The following XPO7 variants were observed in gnomAD, a reference collection of about 807,000 sequenced individuals.
XPO7 encodes the protein exportin-7.
A neutral mutation model predicts 144.3 loss-of-function variants in XPO7; 21 were observed. The observed-to-expected ratio is 0.15, with a 90% CI of 0.10 to 0.21. The LOEUF (loss-of-function observed/expected upper bound fraction) is 0.21, where lower values mean the gene tolerates loss of function less well. Ranked by LOEUF, XPO7 falls within the 10% of genes least tolerant of loss-of-function variation. The pLI, the probability that XPO7 is intolerant of heterozygous loss-of-function variation, is 1.00. For missense variants in XPO7, 808 were observed against 1,325.8 expected, an observed-to-expected ratio of 0.61 and a Z score of 6.06; for synonymous variants, 580 against 499.6, an observed-to-expected ratio of 1.16 and a Z score of -2.15.
intron 1 of XPO7, among the ~76,000 whole-genome samples, chr8:21,947,351 C>T (rs1189825793): frequency 1.3e-5 from 2 of 151,902 alleles, no homozygotes; most frequent in Non-Finnish European, 2.9e-5. Flanking sequence ...AATTCAAAAA[C>T]AAGCAAAAAC....
intron 12 of XPO7, 146 bp downstream of exon 12, chr8:21,984,985 T>G: frequency 1.2e-6 from 1 of 865,950 alleles, no homozygotes; most frequent in Non-Finnish European, 1.7e-6. Flanking sequence ...TCTTTATGAA[T>G]GAATAAATCC....
intron 20 of XPO7, 86 bp from the exon 21 acceptor site, chr8:21,995,406 G>A (rs973296394): frequency 5.1e-6 from 6 of 1,167,992 alleles, no homozygotes; most frequent in East Asian, 2.6e-5. Flanking sequence ...AGTTTGACAA[G>A]TTTTTGCTTG....
At chr8:21,976,133 C>A (rs1358999524) in intron 6 of XPO7, among the ~76,000 whole-genome samples, 2 of 152,134 alleles carry the variant, frequency 1.3e-5, no homozygotes, top group African/African-American at 4.8e-5. Context: ...TCTTTAAATA[C>A]CAACTTCATG....
At chr8:21,949,208 T>G (rs1415585162) in intron 1 of XPO7, among the ~76,000 whole-genome samples, 2 of 152,250 alleles carry the variant, frequency 1.3e-5, no homozygotes, top group Admixed American at 6.5e-5. Context: ...ATAAAATTGT[T>G]TATTCTCACC....
chr8:21,921,247 C>A (rs1049713777), intron 1 of XPO7, among the ~76,000 whole-genome samples: 7 of 152,132 alleles, frequency 4.6e-5, no homozygotes, highest in African/African-American at 1.7e-4. Flanking sequence ...TTGGATCTTA[C>A]AAGACTCAGG....
At position 21,989,183 on chromosome 8, in the gene XPO7, T is replaced by C. The variant is rs972941290; in HGVS notation, c.1868+100T>C. 3 of 1,102,068 alleles carry C rather than the reference T, an allele frequency of 2.7e-6. No homozygotes were observed. In the East Asian group the frequency reaches 7.7e-5, roughly 28 times the overall value. 68.3% of individuals were successfully genotyped at this position (1,102,068 alleles called of 1,614,324 possible). On this transcript the variant is annotated intron_variant, in intron 16 of 27. Coordinates refer to ENST00000252512, the MANE Select transcript of XPO7 (RefSeq NM_015024.5). The stretch of plus-strand genomic sequence containing the variant: ...TCTTTCCACTTCAGTTTAGCTGTAG[T>C]GTGTACTCACATATCTTCCATTTTC...
chr8:22,000,838 C>T (rs1254172925), intron 24 of XPO7, among the ~76,000 whole-genome samples: 1 of 152,114 alleles, frequency 6.6e-6, no homozygotes, highest in Non-Finnish European at 1.5e-5. Context: ...AGGATTAAGT[C>T]AACTGCCAAA....
At chr8:21,974,982 T>G (rs1369320346) in intron 6 of XPO7, among the ~76,000 whole-genome samples, 1 of 152,230 alleles carries the variant, frequency 6.6e-6, no homozygotes, top group Non-Finnish European at 1.5e-5. Context: ...CTTCCCTGTT[T>G]AAGCTCAATT....
chr8:21,927,558 T>TA, intron 1 of XPO7, among the ~76,000 whole-genome samples: 1 of 139,094 alleles, frequency 7.2e-6, no homozygotes, highest in Admixed American at 7.0e-5. Context: ...TTTTTTTTTT[T>TA]TCTTAAGATG....
intron 1 of XPO7, among the ~76,000 whole-genome samples, chr8:21,921,847 A>G (rs951000606): frequency 1.3e-5 from 2 of 152,158 alleles, no homozygotes; most frequent in African/African-American, 4.8e-5. Flanking sequence ...TTTTCCCTTT[A>G]GAGAGAATGG....
At chr8:21,966,147 GAA>G (rs1256365818) in intron 1 of XPO7, 6 of 643,436 alleles carry the variant, frequency 9.3e-6, no homozygotes, top group Admixed American at 5.1e-5. Flanking sequence ...GATTTGGAGA[GAA>G]GAGTTTGCTT....
intron 1 of XPO7, among the ~76,000 whole-genome samples, chr8:21,954,883 T>G (rs1300985452): frequency 1.3e-5 from 2 of 152,180 alleles, no homozygotes; most frequent in Non-Finnish European, 2.9e-5. Flanking sequence ...ACATCACTAT[T>G]TGTAAGGAAA....
At chr8:21,961,761 C>G (rs974553886) in intron 1 of XPO7, among the ~76,000 whole-genome samples, 2 of 152,170 alleles carry the variant, frequency 1.3e-5, no homozygotes, top group African/African-American at 4.8e-5. Context: ...CTCCTGGGTT[C>G]AAGAGATTCT....
chr8:22,000,155 T>A (rs1359642411), intron 24 of XPO7, among the ~76,000 whole-genome samples: 3 of 151,450 alleles, frequency 2.0e-5, no homozygotes, highest in Non-Finnish European at 4.4e-5. Flanking sequence ...CCAGGGAGGG[T>A]TCCTAGCAGC....
intron 1 of XPO7, among the ~76,000 whole-genome samples, chr8:21,923,659 T>G (rs2117233365): frequency 6.6e-6 from 1 of 152,298 alleles, no homozygotes; most frequent in East Asian, 1.9e-4. Context: ...GAATCTCTAA[T>G]TTAGATGAAG....
At chr8:21,987,749 C>A in intron 14 of XPO7, 35 bp from the exon 15 acceptor site, 1 of 1,609,366 alleles carries the variant, frequency 6.2e-7, no homozygotes, top group East Asian at 2.2e-5. Flanking sequence ...TGTTGTAATT[C>A]ATGTGTTCTG....
intron 15 of XPO7, 51 bp downstream of exon 15, chr8:21,987,908 A>G (rs1414260721): frequency 1.3e-6 from 2 of 1,579,438 alleles, no homozygotes; most frequent in Non-Finnish European, 1.7e-6. Flanking sequence ...TCCTGTTGCA[A>G]CTGTAAAATG....
chr8:21,940,365 T>C (rs1400786542), intron 1 of XPO7, among the ~76,000 whole-genome samples: 1 of 152,126 alleles, frequency 6.6e-6, no homozygotes, highest in African/African-American at 2.4e-5. Flanking sequence ...AAAGAAATGA[T>C]AGAATTAAAG....
intron 23 of XPO7, 86 bp downstream of exon 23, chr8:21,999,391 G>C: frequency 6.3e-7 from 1 of 1,581,770 alleles, no homozygotes. Flanking sequence ...CACTGCTCTT[G>C]AGAAACTATG....
Sources: gnomAD v4.1 joint callset for allele counts (sites outside exome capture counted in the v4.1 genomes callset) on GRCh38, gnomAD v4.1.1 for gene constraint, MANE v1.5 for transcripts, NCBI Gene and HGNC (gene_info 2026-07-23, HGNC 2026-07-21) for gene names.